Variants in TMPRSS12 observed in about 807,000 individuals in gnomAD.
TMPRSS12 encodes the protein transmembrane protease serine 12.
In TMPRSS12, 25 loss-of-function variants were observed where a neutral mutation model predicts 26.0. That is an observed-to-expected ratio of 0.96 (90% confidence interval 0.70 to 1.34). The LOEUF (loss-of-function observed/expected upper bound fraction) is 1.34. Ranked by LOEUF, TMPRSS12 falls within the 40% of genes most tolerant of loss-of-function variation. TMPRSS12 has a pLI of 0.00. For synonymous variants in TMPRSS12, 150 were observed against 161.7 expected (o/e 0.93, Z 0.55); for missense variants, 441 against 440.1 (o/e 1.00, Z -0.02).
chr12:50,858,293 G>A (rs2139724834), intron 2 of TMPRSS12, among the ~76,000 whole-genome samples: 1 of 152,254 alleles, frequency 6.6e-6, no homozygotes, highest in Non-Finnish European at 1.5e-5. Context: ...ACCTGATCTT[G>A]TTTCACCTAT....
At chr12:50,857,565 TC>T (rs1222846814) in intron 2 of TMPRSS12, among the ~76,000 whole-genome samples, 1 of 152,186 alleles carries the variant, frequency 6.6e-6, no homozygotes, top group Non-Finnish European at 1.5e-5. Flanking sequence ...AGTTCTTCCT[TC>T]CTAATTTGAT....
intron 4 of TMPRSS12, chr12:50,885,719 A>G: frequency 2.4e-5 from 13 of 545,520 alleles, no homozygotes; most frequent in Non-Finnish European, 3.5e-5. Context: ...GCAGTGACAC[A>G]ATCTCTGTTC....
intron 3 of TMPRSS12, among the ~76,000 whole-genome samples, chr12:50,868,442 A>G (rs1362256121): frequency 6.6e-6 from 1 of 152,232 alleles, no homozygotes; most frequent in Non-Finnish European, 1.5e-5. Flanking sequence ...CCAACAGGAA[A>G]ATAACACAAT....
intron 4 of TMPRSS12, chr12:50,886,725 G>C (rs1938230066): frequency 6.5e-6 from 1 of 153,272 alleles, no homozygotes; most frequent in South Asian, 2.1e-4. Flanking sequence ...ATACTACTGA[G>C]AGGCTTTGCC....
At chr12:50,850,211 C>T (rs1023500466) in intron 2 of TMPRSS12, among the ~76,000 whole-genome samples, 7 of 152,132 alleles carry the variant, frequency 4.6e-5, no homozygotes, top group African/African-American at 1.7e-4. Flanking sequence ...ATTGTGGGGG[C>T]AGATCCCTCA....
rs376343239 is a variant in TMPRSS12, at chr12:50,844,019, A to G, written c.365A>G (p.His122Arg). ...VRERWVLTAA[H>R]CTKDASDPLM... Reference sequence around the variant, plus strand: ...GAGAGGTGGGTCCTCACAGCTGCCCACTGCACTAAAGACGCTAGGTACGTA... The same window carrying G: ...GAGAGGTGGGTCCTCACAGCTGCCCGCTGCACTAAAGACGCTAGGTACGTA... The change falls in exon 2 of 5, where the codon CAC (histidine) becomes CGC (arginine). Residue 122 changes from histidine to arginine, a missense_variant. Coordinates refer to ENST00000398458, the MANE Select transcript of TMPRSS12 (RefSeq NM_182559.3). 5.7e-6 allele frequency: 9 copies of G among 1,589,028 alleles called. No individual in the cohort carries two copies. The highest frequency in any genetic ancestry group is 1.7e-4 in the Middle Eastern group (1 of 5,918).
chr12:50,863,378 C>T (rs964641652), intron 3 of TMPRSS12, among the ~76,000 whole-genome samples: 5 of 151,956 alleles, frequency 3.3e-5, no homozygotes, highest in African/African-American at 1.2e-4. Context: ...TAAAAACATA[C>T]ATGTGAACAT....
chr12:50,864,554 C>T (rs2243560), intron 3 of TMPRSS12, among the ~76,000 whole-genome samples: 58,185 of 151,806 alleles, frequency 0.38, 11,300 homozygotes, highest in Admixed American at 0.43. Flanking sequence ...TTAAGCCTCC[C>T]AAGGACTTCA....
chr12:50,884,530 A>G (rs1279274099), intron 3 of TMPRSS12, among the ~76,000 whole-genome samples: 1 of 152,196 alleles, frequency 6.6e-6, no homozygotes, highest in Non-Finnish European at 1.5e-5. Context: ...AGCATTGATG[A>G]GGATGTGAAG....
Position 50,873,483 on chromosome 12 carries a change from A to C in TMPRSS12, c.653-11763A>C, listed in dbSNP as rs573430978. Among the ~76,000 whole-genome samples, 9 of 152,308 alleles carry C rather than the reference A, an allele frequency of 5.9e-5. No individual in the cohort carries two copies. In the South Asian group the frequency reaches 1.7e-3, roughly 28 times the overall value. On this transcript the variant is annotated intron_variant, in intron 3 of 4. Transcript: ENST00000398458. ...AACAAAAAGTGAATTTACTACCAACAGTCTTTCACCAAGGAAGTAAAAGAA... is the reference window on the plus strand; with the variant it reads ...AACAAAAAGTGAATTTACTACCAACCGTCTTTCACCAAGGAAGTAAAAGAA...
intron 3 of TMPRSS12, among the ~76,000 whole-genome samples, chr12:50,862,885 G>C (rs1213531033): frequency 6.6e-6 from 1 of 151,836 alleles, no homozygotes; most frequent in Non-Finnish European, 1.5e-5. Context: ...AAAAAAAGGA[G>C]GGAAAAATAC....
chr12:50,875,544 A>G (rs1164549432), intron 3 of TMPRSS12, among the ~76,000 whole-genome samples: 1 of 150,866 alleles, frequency 6.6e-6, no homozygotes, highest in Non-Finnish European at 1.5e-5. Context: ...ATTGTTACCA[A>G]AACAGCATGG....
intron 3 of TMPRSS12, among the ~76,000 whole-genome samples, chr12:50,880,384 C>A (rs938313460): frequency 1.3e-5 from 2 of 152,112 alleles, no homozygotes; most frequent in Non-Finnish European, 2.9e-5. Context: ...AGCAAGACCT[C>A]ATTTCAAATA....
intron 3 of TMPRSS12, among the ~76,000 whole-genome samples, chr12:50,878,197 G>A (rs1011103114): frequency 8.2e-6 from 1 of 121,508 alleles, no homozygotes. Context: ...AAATTATTTT[G>A]GGGAAAAAAA....
In TMPRSS12 at chr12:50,885,303, G is replaced by A; in HGVS notation, c.710G>A (p.Cys237Tyr). The change falls in exon 4 of 5, where the codon TGT becomes TAT. Residue 237 changes from cysteine to tyrosine, a missense_variant. Transcript: ENST00000398458. ...GTGCATTATATTTCTCGAGAGATGTGTAATTCTGAGAGGAGTTATGGGGGA... is the reference window on the plus strand; with the variant it reads ...GTGCATTATATTTCTCGAGAGATGTATAATTCTGAGAGGAGTTATGGGGGA... ...AEVHYISREM[C>Y]NSERSYGGII... 3 of 1,613,008 alleles carry A rather than the reference G, an allele frequency of 1.9e-6. No homozygotes were observed. Among genetic ancestry groups the A allele is most frequent in the Non-Finnish European group, 2.5e-6 (3 of 1,179,616 alleles).
chr12:50,864,681 C>T (rs533149045), intron 3 of TMPRSS12, among the ~76,000 whole-genome samples: 6 of 151,988 alleles, frequency 3.9e-5, no homozygotes, highest in South Asian at 2.1e-4. Context: ...TTTTTTGAGA[C>T]GGAGTCTTGC....
intron 3 of TMPRSS12, among the ~76,000 whole-genome samples, chr12:50,871,597 G>C (rs1938043083): frequency 1.3e-5 from 2 of 152,148 alleles, no homozygotes; most frequent in African/African-American, 4.8e-5. Flanking sequence ...AAATAGCTGG[G>C]ACTTAATTAA....
intron 3 of TMPRSS12, among the ~76,000 whole-genome samples, chr12:50,872,873 T>C (rs1244903284): frequency 1.6e-5 from 2 of 125,622 alleles, no homozygotes; most frequent in African/African-American, 5.8e-5. Context: ...ACTATATATG[T>C]ACATATATAT....
chr12:50,882,197 C>T (rs185754373), intron 3 of TMPRSS12, among the ~76,000 whole-genome samples: 30 of 143,578 alleles, frequency 2.1e-4, no homozygotes, highest in Admixed American at 1.6e-3. Flanking sequence ...CACCTGTAAT[C>T]CCAACACTTT....
Sources: allele counts gnomAD v4.1 joint callset (sites outside exome capture counted in the v4.1 genomes callset), GRCh38; gene constraint gnomAD v4.1.1; transcripts MANE v1.5; gene names NCBI Gene and HGNC (gene_info 2026-07-23, HGNC 2026-07-21).